Variants in TMEM132D observed in about 807,000 individuals in gnomAD.
TMEM132D encodes the protein mature OL transmembrane protein.
In TMEM132D, 21 loss-of-function variants were observed where a neutral mutation model predicts 62.3. The ratio of observed to expected loss-of-function variants is 0.34; its 90% CI spans 0.24 to 0.49. TMEM132D has a LOEUF of 0.49. TMEM132D is among the 20% of genes least tolerant of loss of function. TMEM132D has a pLI of 0.99. For synonymous variants in TMEM132D, 621 were observed against 575.6 expected, an observed-to-expected ratio of 1.08 and a Z score of -1.13; for missense variants, 1,346 against 1,402.8, an observed-to-expected ratio of 0.96 and a Z score of 0.65.
chr12:129,384,936 A>G (rs1871063013), intron 3 of TMEM132D, among the ~76,000 whole-genome samples: 1 of 152,168 alleles, frequency 6.6e-6, no homozygotes, highest in Admixed American at 6.6e-5. Flanking sequence ...ATTTGAGCCC[A>G]TCAGCCCACC....
At chr12:129,466,247 G>T in intron 3 of TMEM132D, among the ~76,000 whole-genome samples, 1 of 146,164 alleles carries the variant, frequency 6.8e-6, no homozygotes. Flanking sequence ...GTTACACGGA[G>T]AACTGGTATA....
At position 129,524,924 on chromosome 12, in the gene TMEM132D, TTTC is replaced by T. The variant is rs1481223150; in HGVS notation, c.1115+6132_1115+6134del. ...TTATTATTTTCATATTTTTTTCTTT[TTTC>T]TTTTTTTTTTTTTTTTTGAGACGGA... is the stretch of plus-strand genomic sequence containing the variant. On this transcript the variant is annotated intron_variant, in intron 3 of 8. Coordinates refer to ENST00000422113, the MANE Select transcript of TMEM132D (RefSeq NM_133448.3). Among the ~76,000 whole-genome samples the T allele has an allele frequency of 9.2e-3, 774 of 84,128 alleles. 37 individuals carry two copies. The highest frequency in any genetic ancestry group is 0.033 in the African/African-American group (709 of 21,282). The allele number at this position is 84,128 out of a possible 152,430, so 55.2% of individuals were successfully genotyped here.
chr12:129,683,999 G>A (rs533439568), intron 2 of TMEM132D, among the ~76,000 whole-genome samples: 2 of 152,286 alleles, frequency 1.3e-5, no homozygotes, highest in South Asian at 2.1e-4. Flanking sequence ...TAAATGAAAA[G>A]TCAACTCAAG....
chr12:129,593,945 A>G (rs915329312), intron 2 of TMEM132D, among the ~76,000 whole-genome samples: 5 of 152,092 alleles, frequency 3.3e-5, no homozygotes, highest in African/African-American at 1.2e-4. Context: ...TGCACATATC[A>G]TCCTGATATT....
rs1048346891 is a variant in TMEM132D at position 129,567,847 on chromosome 12, C to T, written c.969-36642G>A. Among the ~76,000 whole-genome samples the T allele has an allele frequency of 4.6e-5, 7 of 152,216 alleles. No homozygotes were observed. In the East Asian group the frequency reaches 1.4e-3, roughly 29 times the overall value. On this transcript the variant is annotated intron_variant, in intron 2 of 8. Coordinates refer to ENST00000422113, the MANE Select transcript of TMEM132D (RefSeq NM_133448.3). The stretch of plus-strand genomic sequence containing the variant: ...ATAAACAAATGACTTTGCAGAATCT[C>T]CAATAGTTCTGAACAGAATAAAAGG...
At chr12:129,593,100 T>G (rs1344265934) in intron 2 of TMEM132D, among the ~76,000 whole-genome samples, 1 of 150,170 alleles carries the variant, frequency 6.7e-6, no homozygotes, top group Non-Finnish European at 1.5e-5. Context: ...AAAATACACA[T>G]TCTATAAAAC....
At chr12:129,362,612 T>A (rs1593351578) in intron 3 of TMEM132D, among the ~76,000 whole-genome samples, 1 of 152,082 alleles carries the variant, frequency 6.6e-6, no homozygotes, top group Admixed American at 6.6e-5. Context: ...TTTCTTATTT[T>A]AAAAAAACAA....
chr12:129,386,648 C>A (rs112376803), intron 3 of TMEM132D, among the ~76,000 whole-genome samples: 2,296 of 151,568 alleles, frequency 0.015, 45 homozygotes, highest in African/African-American at 0.053. Flanking sequence ...AGTCATAATA[C>A]AAACACAAAT....
chr12:129,322,923 T>C (rs1241450013), intron 4 of TMEM132D, among the ~76,000 whole-genome samples: 1 of 152,228 alleles, frequency 6.6e-6, no homozygotes, highest in Non-Finnish European at 1.5e-5. Flanking sequence ...TGCTTTTCCA[T>C]ATGTTGTCTT....
rs1404356948 is a variant in TMEM132D, at chr12:129,486,584, A to T, written c.1115+44475T>A. On this transcript the variant is annotated intron_variant, in intron 3 of 8. Coordinates refer to ENST00000422113, the MANE Select transcript of TMEM132D (RefSeq NM_133448.3). ...TAATAATGATAGTAATAAAGCCTGA[A>T]ATCTCGGCTCTGTCCCCACTCATTG... Among the ~76,000 whole-genome samples the T allele has an allele frequency of 3.3e-5, 5 of 152,288 alleles. No homozygotes were observed. In the East Asian group the frequency reaches 9.7e-4, roughly 29 times the overall value.
chr12:129,294,929 G>C (rs1881531256), intron 4 of TMEM132D, among the ~76,000 whole-genome samples: 1 of 152,190 alleles, frequency 6.6e-6, no homozygotes, highest in Non-Finnish European at 1.5e-5. Flanking sequence ...TTCATTGTGT[G>C]TATCAGCTGG....
At chr12:129,740,566 T>C (rs1869570598) in intron 1 of TMEM132D, among the ~76,000 whole-genome samples, 1 of 152,236 alleles carries the variant, frequency 6.6e-6, no homozygotes, top group Non-Finnish European at 1.5e-5. Context: ...GTATCTTTAA[T>C]ATTCTTGCAC....
intron 3 of TMEM132D, among the ~76,000 whole-genome samples, chr12:129,490,685 C>T (rs941138404): frequency 7.0e-6 from 1 of 142,208 alleles, no homozygotes; most frequent in African/African-American, 2.6e-5. Context: ...CATCTCCTGA[C>T]CTCGTGATCT....
Position 129,072,453 on chromosome 12 carries a change from A to G in TMEM132D, c.*1422T>C, listed in dbSNP as rs1874101139. 1.3e-5 allele frequency: 2 copies of G among 152,376 alleles called. No individual in the cohort carries two copies. Among genetic ancestry groups the G allele is most frequent in the Admixed American group, 6.5e-5 (1 of 15,278 alleles). The allele number at this position is 152,376 out of a possible 1,614,324, so 9.4% of individuals were successfully genotyped here. ...CCTTGCCCCCATCTTCATAGGCTTC[A>G]TAAGTGAAGGGATTCAGGGATATCC... On this transcript the variant is annotated 3_prime_UTR_variant, in exon 9 of 9. Coordinates refer to ENST00000422113, the MANE Select transcript of TMEM132D (RefSeq NM_133448.3).
intron 4 of TMEM132D, among the ~76,000 whole-genome samples, chr12:129,252,148 C>T (rs1880284903): frequency 2.0e-5 from 3 of 152,166 alleles, no homozygotes; most frequent in South Asian, 2.1e-4. Flanking sequence ...AAGATCCTTT[C>T]TGGCTTTTAT....
intron 1 of TMEM132D, among the ~76,000 whole-genome samples, chr12:129,789,576 T>G (rs1056342410): frequency 6.6e-6 from 1 of 152,160 alleles, no homozygotes; most frequent in African/African-American, 2.4e-5. Flanking sequence ...ACAATTTCGA[T>G]TTGTATGCTT....
intron 1 of TMEM132D, among the ~76,000 whole-genome samples, chr12:129,829,115 T>C (rs545325185): frequency 2.6e-5 from 4 of 152,222 alleles, no homozygotes; most frequent in South Asian, 4.1e-4. Flanking sequence ...GCTCTGTTGA[T>C]TGAATTTTCT....
intron 1 of TMEM132D, among the ~76,000 whole-genome samples, chr12:129,748,058 G>GTGCATGGTA (rs1869874185): frequency 1.3e-5 from 2 of 152,292 alleles, no homozygotes; most frequent in South Asian, 4.1e-4. Context: ...ACAGGGCTTG[G>GTGCATGGTA]TGCATGGTAC....
chr12:129,668,901 C>A (rs543003544), intron 2 of TMEM132D, among the ~76,000 whole-genome samples: 2 of 152,310 alleles, frequency 1.3e-5, no homozygotes, highest in South Asian at 2.1e-4. Flanking sequence ...AATCTGGCCT[C>A]ATACCTTGTC....
Sources: allele counts gnomAD v4.1 joint callset (sites outside exome capture counted in the v4.1 genomes callset), GRCh38; gene constraint gnomAD v4.1.1; transcripts MANE v1.5; gene names NCBI Gene and HGNC (gene_info 2026-07-23, HGNC 2026-07-21).